Variants in RBFOX1 observed in about 807,000 individuals in gnomAD.
RBFOX1 encodes the protein RNA binding fox-1 homolog 1.
A neutral mutation model predicts 57.7 loss-of-function variants in RBFOX1; 8 were observed. The ratio of observed to expected loss-of-function variants is 0.14; its 90% CI spans 0.08 to 0.25. RBFOX1 has a LOEUF of 0.25. RBFOX1 is among the 10% of genes least tolerant of loss of function. RBFOX1 has a pLI of 1.00. For synonymous variants in RBFOX1, 326 were observed against 222.4 expected (o/e 1.47, Z -4.15); for missense variants, 611 against 548.5 (o/e 1.11, Z -1.14).
intron 2 of RBFOX1, among the ~76,000 whole-genome samples, chr16:6,478,386 C>CAAA (rs2095307789): frequency 1.3e-5 from 1 of 76,772 alleles, no homozygotes; most frequent in Non-Finnish European, 2.3e-5. Context: ...CTACACCCAG[C>CAAA]TAATATATAT....
chr16:7,470,835 A>G (rs945262111), intron 4 of RBFOX1, among the ~76,000 whole-genome samples: 2 of 152,106 alleles, frequency 1.3e-5, no homozygotes, highest in Non-Finnish European at 2.9e-5. Context: ...CAAAGAAAAC[A>G]CACCAGGTTA....
intron 3 of RBFOX1, among the ~76,000 whole-genome samples, chr16:5,664,015 G>A (rs1356929199): frequency 6.6e-6 from 1 of 152,068 alleles, no homozygotes; most frequent in East Asian, 1.9e-4. Context: ...TGCTCCTGGG[G>A]ACCCCACACA....
At chr16:7,164,614 G>C (rs116523178) in intron 4 of RBFOX1, among the ~76,000 whole-genome samples, 1 of 152,108 alleles carries the variant, frequency 6.6e-6, no homozygotes, top group Non-Finnish European at 1.5e-5. Flanking sequence ...TTTTAATAAC[G>C]TGTAATTTCT....
At chr16:6,385,212 G>A (rs995983337) in intron 2 of RBFOX1, among the ~76,000 whole-genome samples, 3 of 152,266 alleles carry the variant, frequency 2.0e-5, no homozygotes, top group African/African-American at 4.8e-5. Context: ...AAGCTTTTTC[G>A]TATTTAAATA....
At chr16:6,792,380 C>T (rs115908895) in intron 3 of RBFOX1, among the ~76,000 whole-genome samples, 503 of 152,220 alleles carry the variant, frequency 3.3e-3, no homozygotes, top group Middle Eastern at 0.017. Context: ...TATCTTTATG[C>T]AGAATTATGC....
intron 2 of RBFOX1, among the ~76,000 whole-genome samples, chr16:5,572,418 C>T (rs186530872): frequency 3.3e-4 from 50 of 152,272 alleles, no homozygotes; most frequent in African/African-American, 1.1e-3. Flanking sequence ...TCAATCTTGG[C>T]GCTGTTAACA....
intron 5 of RBFOX1, among the ~76,000 whole-genome samples, chr16:7,525,454 T>C (rs1349778246): frequency 6.6e-6 from 1 of 152,138 alleles, no homozygotes; most frequent in East Asian, 1.9e-4. Context: ...TGGGTGTGAA[T>C]GGCTAAAAGG....
intron 4 of RBFOX1, chr16:7,126,753 C>G (rs938647702): frequency 6.6e-6 from 1 of 152,028 alleles, no homozygotes; most frequent in African/African-American, 2.4e-5. Context: ...TTTCGAGAGG[C>G]TGAGGCGGGC....
At chr16:7,394,307 C>G (rs1190422460) in intron 4 of RBFOX1, among the ~76,000 whole-genome samples, 1 of 138,796 alleles carries the variant, frequency 7.2e-6, no homozygotes, top group Non-Finnish European at 1.5e-5. Context: ...AGAAAAAAAT[C>G]TGAAATTAGA....
chr16:6,207,350 CA>C (rs1174846812), intron 1 of RBFOX1, among the ~76,000 whole-genome samples: 4 of 152,174 alleles, frequency 2.6e-5, no homozygotes, highest in Non-Finnish European at 4.4e-5. Flanking sequence ...AATTATCTAG[CA>C]GCCAAAAGGT....
At chr16:6,428,738 C>T (rs1348843518) in intron 2 of RBFOX1, among the ~76,000 whole-genome samples, 1 of 152,146 alleles carries the variant, frequency 6.6e-6, no homozygotes, top group East Asian at 1.9e-4. Context: ...ACAAAATATA[C>T]ATGCTCATCT....
At chr16:5,421,870 G>C (rs1481588774) in intron 1 of RBFOX1, among the ~76,000 whole-genome samples, 1 of 152,146 alleles carries the variant, frequency 6.6e-6, no homozygotes, top group Non-Finnish European at 1.5e-5. Context: ...ACACGTGAAG[G>C]CATGCTCGTG....
intron 4 of RBFOX1, among the ~76,000 whole-genome samples, chr16:5,982,685 G>A (rs2060198198): frequency 6.6e-6 from 1 of 152,138 alleles, no homozygotes; most frequent in South Asian, 2.1e-4. Context: ...CACTGAGGAC[G>A]TTCCTGACCA....
intron 4 of RBFOX1, among the ~76,000 whole-genome samples, chr16:7,401,368 C>G (rs1298929495): frequency 6.6e-6 from 1 of 152,070 alleles, no homozygotes; most frequent in Admixed American, 6.6e-5. Flanking sequence ...AGCAGTTGTT[C>G]CAGACTTTTC....
intron 2 of RBFOX1, among the ~76,000 whole-genome samples, chr16:5,565,549 C>G (rs1006821750): frequency 1.3e-5 from 2 of 151,822 alleles, no homozygotes; most frequent in Non-Finnish European, 2.9e-5. Context: ...CACTTGAACC[C>G]GGGAGGCGGA....
At chr16:5,394,060 G>T (rs1188149240) in intron 1 of RBFOX1, among the ~76,000 whole-genome samples, 1 of 151,802 alleles carries the variant, frequency 6.6e-6, no homozygotes, top group Non-Finnish European at 1.5e-5. Flanking sequence ...GTCTTACTCT[G>T]TTGCCCATGT....
intron 1 of RBFOX1, among the ~76,000 whole-genome samples, chr16:5,381,152 A>T (rs1014918713): frequency 2.6e-5 from 4 of 152,174 alleles, no homozygotes; most frequent in African/African-American, 9.6e-5. Flanking sequence ...AAGAGCTAGT[A>T]TGGGGTCCTG....
chr16:7,707,997 A>G (rs2083047252), intron 14 of RBFOX1, among the ~76,000 whole-genome samples: 1 of 152,188 alleles, frequency 6.6e-6, no homozygotes, highest in African/African-American at 2.4e-5. Flanking sequence ...CAGGGCAAAC[A>G]AGTATGGGCA....
intron 3 of RBFOX1, among the ~76,000 whole-genome samples, chr16:6,679,170 G>T (rs561435060): frequency 6.6e-6 from 1 of 152,192 alleles, no homozygotes; most frequent in African/African-American, 2.4e-5. Context: ...CACCCATTCA[G>T]TCTGAGTCTC....
Sources: allele counts gnomAD v4.1 joint callset (sites outside exome capture counted in the v4.1 genomes callset), GRCh38; gene constraint gnomAD v4.1.1; transcripts MANE v1.5; gene names NCBI Gene and HGNC (gene_info 2026-07-23, HGNC 2026-07-21).